Variants in LATS1 observed in about 807,000 individuals in gnomAD.
LATS1 encodes the protein large tumor suppressor kinase 1.
In LATS1, 25 loss-of-function variants were observed where a neutral mutation model predicts 106.6. That is an observed-to-expected ratio of 0.23 (90% CI 0.17 to 0.33). The LOEUF (loss-of-function observed/expected upper bound fraction) is 0.33, where lower values mean the gene tolerates loss of function less well. LATS1 is among the 10% of genes least tolerant of loss of function. The pLI, the probability that LATS1 is intolerant of heterozygous loss-of-function variation, is 1.00. For synonymous variants in LATS1, 465 were observed against 455.6 expected (o/e 1.02, Z -0.26); for missense variants, 1,040 against 1,382.6 (o/e 0.75, Z 3.93).
chr6:149,680,582 T>C (rs1359514974), intron 4 of LATS1, 125 bp from the exon 5 acceptor site: 5 of 666,418 alleles, frequency 7.5e-6, no homozygotes, highest in Non-Finnish European at 7.6e-6. Flanking sequence ...TAAAGCATGT[T>C]AGAAATCTAG....
intron 3 of LATS1, among the ~76,000 whole-genome samples, chr6:149,690,205 C>CT (rs1247306023): frequency 1.4e-5 from 2 of 138,440 alleles, no homozygotes; most frequent in Admixed American, 8.1e-5. Context: ...GTATTCTTTT[C>CT]TTTTTTTCTT....
intron 2 of LATS1, chr6:149,697,152 C>CTAA (rs751928722): frequency 7.4e-7 from 1 of 1,346,526 alleles, no homozygotes; most frequent in Non-Finnish European, 9.8e-7. Context: ...CTTAGTAAGA[C>CTAA]TAATGGGTGA....
rs770703071 is a variant in LATS1 at position 149,702,176 on chromosome 6, ATCCAGAGCTT to A, written c.-60_-51del. On this transcript the variant is annotated 5_prime_UTR_variant, in exon 2 of 8. Coordinates refer to ENST00000543571, the MANE Select transcript of LATS1 (RefSeq NM_004690.4). ...CACGAAGGACTTCTTTATTTGATAG[ATCCAGAGCTT>A]TCTTCTGAGCAAAAGTGAAAATGAT... 1.6e-6 allele frequency: 2 copies of A among 1,241,166 alleles called. No individual in the cohort carries two copies. The highest frequency in any genetic ancestry group is 4.4e-5 in the Admixed American group (2 of 45,456). The allele number at this position is 1,241,166 out of a possible 1,614,324, so 76.9% of individuals were successfully genotyped here. A position where few individuals can be genotyped will look rare whatever the true frequency, so the allele number is the denominator to read the frequency against.
chr6:149,698,657 G>A (rs1783253415), intron 2 of LATS1, among the ~76,000 whole-genome samples: 1 of 151,334 alleles, frequency 6.6e-6, no homozygotes, highest in African/African-American at 2.4e-5. Context: ...TTCAAGTGAT[G>A]ATTCTCCTAC....
chr6:149,667,735 A>T (rs1174843390), intron 7 of LATS1, among the ~76,000 whole-genome samples: 2 of 152,204 alleles, frequency 1.3e-5, no homozygotes, highest in Non-Finnish European at 2.9e-5. Context: ...AAGCCTGAGA[A>T]ATCCATGCCC....
chr6:149,695,109 G>C lies in LATS1; in HGVS notation c.461C>G (p.Ala154Gly). ...QDPRREQMAA[A>G]AARPINASMK... is the part of the protein sequence containing the mutation. ...GCTGGCATTAATAGGTCTGGCAGCT[G>C]CTGCAGCCATCTGCTCTCGTCGAGG... is the stretch of plus-strand genomic sequence containing the variant. Residue 154 changes from alanine to glycine, a missense_variant, in exon 3 of 8, where the codon GCA (alanine) becomes GGA (glycine). By Grantham distance (60) the Ala-to-Gly change is moderately conservative (BLOSUM62 0). Around this residue, in one of 7 missense-constraint regions of LATS1, gnomAD observed 624 missense variants for 714.8 expected, o/e 0.87. Transcript: ENST00000543571. 1 of 1,610,780 alleles carries C rather than the reference G, an allele frequency of 6.2e-7. No individual in the cohort carries two copies. The highest frequency in any genetic ancestry group is 8.5e-7 in the Non-Finnish European group (1 of 1,178,780).
intron 1 of LATS1, among the ~76,000 whole-genome samples, chr6:149,716,926 ATTAAGT>A (rs2115043573): frequency 6.6e-6 from 1 of 152,370 alleles, no homozygotes; most frequent in South Asian, 2.1e-4. Flanking sequence ...TTGATAAAAA[ATTAAGT>A]TTATCAGAAA....
intron 1 of LATS1, among the ~76,000 whole-genome samples, chr6:149,709,821 G>A (rs1171520154): frequency 2.0e-5 from 3 of 151,840 alleles, no homozygotes; most frequent in African/African-American, 4.8e-5. Flanking sequence ...GATTACAGGC[G>A]TGCGCTACCA....
rs759327465 is a variant in LATS1 at position 149,683,772 on chromosome 6, A to G, written c.1317T>C (p.Ala439=). 5 of 1,613,716 alleles carry G rather than the reference A, an allele frequency of 3.1e-6. No individual in the cohort carries two copies. In the South Asian group the frequency reaches 4.4e-5, roughly 14 times the overall value. Residue 439 remains alanine (A), a synonymous_variant, in exon 4 of 8, where the codon GCT becomes GCC. Coordinates refer to ENST00000543571, the MANE Select transcript of LATS1 (RefSeq NM_004690.4). ...CACTGCTCGGGGATGACTGGGCTGGAGCAGAAGATGACTGAGGCCAATTTG... is the reference window on the plus strand; with the variant it reads ...CACTGCTCGGGGATGACTGGGCTGGGGCAGAAGATGACTGAGGCCAATTTG... The part of the protein sequence containing the change: ...LQTNWPQSSS[A]PAQSSPSSGH...
chr6:149,671,622 T>C (rs945948146), intron 7 of LATS1, among the ~76,000 whole-genome samples: 1 of 152,014 alleles, frequency 6.6e-6, no homozygotes, highest in African/African-American at 2.4e-5. Context: ...ACTGTCTACA[T>C]TATTGAAGCT....
intron 5 of LATS1, among the ~76,000 whole-genome samples, chr6:149,677,434 T>C (rs1781782635): frequency 6.6e-6 from 1 of 152,186 alleles, no homozygotes; most frequent in Non-Finnish European, 1.5e-5. Flanking sequence ...GCGGCAGGAA[T>C]ACATGTGGGT....
rs1781963096 is a variant in LATS1 at position 149,680,302 on chromosome 6, T to C, written c.2166A>G (p.Ala722=). 1 of 1,613,948 alleles carries C rather than the reference T, an allele frequency of 6.2e-7. No individual in the cohort carries two copies. Among genetic ancestry groups the C allele is most frequent in the Non-Finnish European group, 8.5e-7 (1 of 1,180,022 alleles). Reference sequence around the variant, plus strand: ...ACAAAGCCTTAGTATCTACTTTTCTTGCTAGACAGACTTCACCAAATGCTC... The same window carrying C: ...ACAAAGCCTTAGTATCTACTTTTCTCGCTAGACAGACTTCACCAAATGCTC... ...GIGAFGEVCL[A]RKVDTKALYA... is the part of the protein sequence containing the mutation. Residue 722 remains alanine, a synonymous_variant, in exon 5 of 8, where the codon GCA becomes GCG. Transcript: ENST00000543571.
rs1179770437 is a variant in LATS1, at chr6:149,688,386, G to A, written c.497-3794C>T. Among the ~76,000 whole-genome samples, 3 of 151,864 alleles carry A rather than the reference G, an allele frequency of 2.0e-5. No individual in the cohort carries two copies. In the East Asian group the frequency reaches 5.8e-4, roughly 30 times the overall value. On this transcript the variant is annotated intron_variant, in intron 3 of 7. Transcript: ENST00000543571. ...TGCAATGGCGCAATCTCAGCTCACC[G>A]CAACCTCTGCCTCCCGGGTTTAAAT...
chr6:149,689,051 C>G (rs1350571598), intron 3 of LATS1, among the ~76,000 whole-genome samples: 2 of 151,862 alleles, frequency 1.3e-5, no homozygotes, highest in Non-Finnish European at 2.9e-5. Flanking sequence ...GCCTGTAATC[C>G]CAGCTACCTG....
chr6:149,658,722 C>T lies in LATS1; in HGVS notation c.*3007G>A, dbSNP rs901772516. 2 of 152,110 alleles carry T rather than the reference C, an allele frequency of 1.3e-5. No individual in the cohort carries two copies. The highest frequency in any genetic ancestry group is 4.8e-5 in the African/African-American group (2 of 41,422). The allele number at this position is 152,110 out of a possible 1,614,324, so 9.4% of individuals were successfully genotyped here. A position where few individuals can be genotyped will look rare whatever the true frequency, so the allele number is the denominator to read the frequency against. Reference sequence around the variant, plus strand: ...TTTAAAAAAGTCAATCTCAAAGTGACTTTTTAGTCATACATTCTATAGTTT... The same window carrying T: ...TTTAAAAAAGTCAATCTCAAAGTGATTTTTTAGTCATACATTCTATAGTTT... On this transcript the variant is annotated 3_prime_UTR_variant, in exon 8 of 8. Coordinates refer to ENST00000543571, the MANE Select transcript of LATS1 (RefSeq NM_004690.4).
chr6:149,676,757 GTAAA>G lies in LATS1; in HGVS notation c.2594-24_2594-21del, dbSNP rs775784824. Reference sequence around the variant, plus strand: ...GGTCACCTGCACAACAAAAGAATAAGTAAATAAAGTCAACAATGACAACAGTAAA... The same window carrying G: ...GGTCACCTGCACAACAAAAGAATAAGTAAAGTCAACAATGACAACAGTAAA... On this transcript the variant is annotated intron_variant, in intron 5 of 7. Coordinates refer to ENST00000543571, the MANE Select transcript of LATS1 (RefSeq NM_004690.4). 2 of 1,593,692 alleles carry G rather than the reference GTAAA, an allele frequency of 1.3e-6. No individual in the cohort carries two copies. Among genetic ancestry groups the G allele is most frequent in the African/African-American group, 1.3e-5 (1 of 74,690 alleles).
intron 3 of LATS1, among the ~76,000 whole-genome samples, chr6:149,690,754 G>A (rs1360830222): frequency 1.3e-5 from 2 of 151,652 alleles, no homozygotes; most frequent in African/African-American, 4.8e-5. Context: ...GCTCAGGCTG[G>A]TCTAAAACTT....
chr6:149,717,912 C>A lies in LATS1; in HGVS notation c.-204G>T. The A allele has an allele frequency of 2.7e-6, 1 of 366,128 alleles. No homozygotes were observed. Among genetic ancestry groups the A allele is most frequent in the Non-Finnish European group, 5.3e-6 (1 of 188,768 alleles). 22.7% of individuals were successfully genotyped at this position (366,128 alleles called of 1,614,324 possible). On this transcript the variant is annotated 5_prime_UTR_variant, in exon 1 of 8. Coordinates refer to ENST00000543571, the MANE Select transcript of LATS1 (RefSeq NM_004690.4). ...GCCTGAGGGCGGACGCTGAGGCGGC[C>A]AGAGTCCGTCCCAGCAACCCCAAGT...
At chr6:149,697,894 G>A (rs755845427) in intron 2 of LATS1, among the ~76,000 whole-genome samples, 10 of 152,038 alleles carry the variant, frequency 6.6e-5, no homozygotes, top group Non-Finnish European at 1.2e-4. Context: ...CCAAAAACAC[G>A]CCTGGCTAAT....
Sources: gnomAD v4.1 joint callset for allele counts (sites outside exome capture counted in the v4.1 genomes callset) on GRCh38, gnomAD v4.1.1 for gene constraint, gnomAD v4.1.1 regional missense constraint, MANE v1.5 for transcripts, NCBI Gene and HGNC (gene_info 2026-07-23, HGNC 2026-07-21) for gene names.